Variants in SHISA6 observed in about 807,000 individuals in gnomAD.
SHISA6 encodes the protein protein shisa-6.
Under a neutral mutation model 47.9 loss-of-function variants are expected in SHISA6, and 22 were observed. That is an observed-to-expected ratio of 0.46 (90% CI 0.33 to 0.66). The LOEUF is 0.66. Ranked by LOEUF, SHISA6 falls within the 30% of genes least tolerant of loss-of-function variation. The pLI is 0.02. For missense variants in SHISA6, 680 were observed against 764.6 expected (o/e 0.89, Z 1.30); for synonymous variants, 388 against 337.8 (o/e 1.15, Z -1.63).
chr17:11,243,125 A>G (rs1235370725), intron 1 of SHISA6, among the ~76,000 whole-genome samples: 2 of 151,608 alleles, frequency 1.3e-5, no homozygotes, highest in African/African-American at 4.9e-5. Context: ...ACTGCTTGTC[A>G]GTCAGTCCTG....
rs2072030641 is a variant in SHISA6, at chr17:11,560,332, G to C, written c.*2028G>C. Reference sequence around the variant, plus strand: ...ATTCCTGGAGTCGTGCGGCTGGAAGGCCAGGGACTACCCTCTCTGCTTTCC... The same window carrying C: ...ATTCCTGGAGTCGTGCGGCTGGAAGCCCAGGGACTACCCTCTCTGCTTTCC... On this transcript the variant is annotated 3_prime_UTR_variant, in exon 6 of 6. Coordinates refer to ENST00000441885, the MANE Select transcript of SHISA6 (RefSeq NM_207386.4). 1 of 152,462 alleles carries C rather than the reference G, an allele frequency of 6.6e-6. No individual in the cohort carries two copies. Among genetic ancestry groups the C allele is most frequent in the Non-Finnish European group, 1.5e-5 (1 of 68,238 alleles). The allele number at this position is 152,462 out of a possible 1,614,324, so 9.4% of individuals were successfully genotyped here.
intron 2 of SHISA6, among the ~76,000 whole-genome samples, chr17:11,330,003 A>G (rs1911040007): frequency 6.6e-6 from 1 of 152,036 alleles, no homozygotes; most frequent in South Asian, 2.1e-4. Context: ...TATGAACAGA[A>G]TATGGCTTTC....
chr17:11,375,680 C>T (rs141784737), intron 2 of SHISA6, among the ~76,000 whole-genome samples: 1 of 152,296 alleles, frequency 6.6e-6, no homozygotes, highest in East Asian at 1.9e-4. Flanking sequence ...CTTGAATCTG[C>T]CTCCTGCCTG....
At chr17:11,490,303 G>A (rs1032271832) in intron 3 of SHISA6, among the ~76,000 whole-genome samples, 13 of 152,066 alleles carry the variant, frequency 8.5e-5, no homozygotes, top group African/African-American at 2.7e-4. Context: ...CGGTGGAGGC[G>A]GTGACATAAA....
intron 2 of SHISA6, among the ~76,000 whole-genome samples, chr17:11,358,407 T>C (rs2142227040): frequency 6.6e-6 from 1 of 152,218 alleles, no homozygotes; most frequent in East Asian, 1.9e-4. Context: ...TCGCCCAGGC[T>C]GGAGTGCAGT....
At chr17:11,555,916 G>T in intron 5 of SHISA6, 24 bp downstream of exon 5, 1 of 1,505,738 alleles carries the variant, frequency 6.6e-7, no homozygotes, top group Non-Finnish European at 8.9e-7. Context: ...CCCCCAAGTT[G>T]GGGTCTGTCT....
At chr17:11,477,850 T>G (rs1916094467) in intron 3 of SHISA6, among the ~76,000 whole-genome samples, 1 of 151,394 alleles carries the variant, frequency 6.6e-6, no homozygotes, top group South Asian at 2.1e-4. Context: ...TCCAAGTCTT[T>G]GCTATTGTGA....
chr17:11,249,976 G>A (rs958268600), intron 1 of SHISA6, among the ~76,000 whole-genome samples: 1 of 152,244 alleles, frequency 6.6e-6, no homozygotes, highest in Non-Finnish European at 1.5e-5. Flanking sequence ...CACTCCTCAT[G>A]AGGAACGACA....
At chr17:11,354,489 C>A (rs542083173) in intron 2 of SHISA6, among the ~76,000 whole-genome samples, 1 of 152,312 alleles carries the variant, frequency 6.6e-6, no homozygotes, top group African/African-American at 2.4e-5. Flanking sequence ...GACCCTCCGA[C>A]CTCATGTTCC....
chr17:11,523,336 A>G (rs551056918), intron 3 of SHISA6, among the ~76,000 whole-genome samples: 42 of 152,320 alleles, frequency 2.8e-4, no homozygotes, highest in African/African-American at 7.5e-4. Flanking sequence ...CTGTGGGAGG[A>G]TTAGAGTCTG....
At chr17:11,267,194 G>T (rs935663777) in intron 2 of SHISA6, among the ~76,000 whole-genome samples, 22 of 152,288 alleles carry the variant, frequency 1.4e-4, no homozygotes, top group African/African-American at 5.3e-4. Flanking sequence ...TGGTTTGAAT[G>T]TAGAAAACCA....
At chr17:11,492,635 T>C (rs1597548853) in intron 3 of SHISA6, among the ~76,000 whole-genome samples, 1 of 152,230 alleles carries the variant, frequency 6.6e-6, no homozygotes, top group African/African-American at 2.4e-5. Flanking sequence ...AACACTTATG[T>C]CTCCTCTCTA....
chr17:11,244,964 T>C (rs748860298), intron 1 of SHISA6, among the ~76,000 whole-genome samples: 7 of 152,080 alleles, frequency 4.6e-5, no homozygotes, highest in Admixed American at 1.3e-4. Context: ...TCTGCCTTAG[T>C]GCTCCCAGGC....
chr17:11,270,557 A>G (rs1431239718), intron 2 of SHISA6, among the ~76,000 whole-genome samples: 2 of 152,162 alleles, frequency 1.3e-5, no homozygotes, highest in African/African-American at 2.4e-5. Context: ...GATCGTCAAT[A>G]TTTTAGGCTC....
At chr17:11,534,165 T>TC (rs1305654522) in intron 3 of SHISA6, among the ~76,000 whole-genome samples, 70 of 149,544 alleles carry the variant, frequency 4.7e-4, no homozygotes, top group African/African-American at 1.4e-3. Context: ...TTCTTTTTTT[T>TC]TTTTTTTTTT....
intron 3 of SHISA6, among the ~76,000 whole-genome samples, chr17:11,454,437 T>C (rs1287816930): frequency 2.6e-5 from 4 of 152,208 alleles, no homozygotes; most frequent in African/African-American, 9.6e-5. Flanking sequence ...AGATAACTCC[T>C]TACTTCAAGC....
chr17:11,283,713 T>C (rs1033020135), intron 2 of SHISA6, among the ~76,000 whole-genome samples: 6 of 152,222 alleles, frequency 3.9e-5, no homozygotes, highest in African/African-American at 1.4e-4. Context: ...ACCTTTATTG[T>C]TGGAACAGGG....
At chr17:11,388,925 G>A (rs1913299010) in intron 3 of SHISA6, among the ~76,000 whole-genome samples, 1 of 150,334 alleles carries the variant, frequency 6.7e-6, no homozygotes, top group Admixed American at 6.6e-5. Flanking sequence ...TTGCCTAAGG[G>A]CAATGATTCT....
intron 1 of SHISA6, among the ~76,000 whole-genome samples, chr17:11,254,848 T>G (rs1480829048): frequency 1.3e-5 from 2 of 152,216 alleles, no homozygotes; most frequent in Non-Finnish European, 2.9e-5. Context: ...TAAGAGTCTG[T>G]CCTCATGGGA....
Sources: allele counts gnomAD v4.1 joint callset (sites outside exome capture counted in the v4.1 genomes callset), GRCh38; gene constraint gnomAD v4.1.1; transcripts MANE v1.5; gene names NCBI Gene and HGNC (gene_info 2026-07-23, HGNC 2026-07-21).